The following WDFY2 variants were observed in gnomAD, a reference collection of about 807,000 sequenced individuals.
WDFY2 encodes WD repeat and FYVE domain containing 2, also known as WD repeat and FYVE domain-containing protein 2.
WDFY2 carries 36 observed loss-of-function variants against 56.4 expected under a neutral mutation model. The ratio of observed to expected loss-of-function variants is 0.64; its 90% CI spans 0.49 to 0.84. WDFY2 has a LOEUF of 0.84. Among genes scored for constraint, WDFY2 ranks in the 40% least tolerant of loss-of-function variants. The pLI, the probability that WDFY2 is intolerant of heterozygous loss-of-function variation, is 0.00. For missense variants in WDFY2, 444 were observed against 512.2 expected (o/e 0.87, Z 1.29); for synonymous variants, 176 against 183.7 (o/e 0.96, Z 0.34).
At chr13:51,733,063 T>G (rs1254296388) in intron 6 of WDFY2, among the ~76,000 whole-genome samples, 1 of 152,136 alleles carries the variant, frequency 6.6e-6, no homozygotes, top group Non-Finnish European at 1.5e-5. Context: ...TGAGACAGAG[T>G]CTTGCTCTGT....
At chr13:51,740,804 T>A (rs796182689) in intron 7 of WDFY2, among the ~76,000 whole-genome samples, 1 of 152,160 alleles carries the variant, frequency 6.6e-6, no homozygotes, top group African/African-American at 2.4e-5. Context: ...TTGGACTCTC[T>A]CAGAGAAGTG....
chr13:51,674,767 T>A (rs775338388), intron 2 of WDFY2, among the ~76,000 whole-genome samples: 13 of 152,192 alleles, frequency 8.5e-5, no homozygotes, highest in Non-Finnish European at 1.6e-4. Context: ...ATAAGATCTT[T>A]CTTTTGTTTG....
At chr13:51,661,808 A>C (rs969606231) in intron 2 of WDFY2, among the ~76,000 whole-genome samples, 3 of 152,216 alleles carry the variant, frequency 2.0e-5, no homozygotes, top group African/African-American at 7.2e-5. Context: ...TGTAATTCCG[A>C]ATGCTATATC....
intron 1 of WDFY2, among the ~76,000 whole-genome samples, chr13:51,649,488 A>G (rs997580251): frequency 6.6e-6 from 1 of 150,796 alleles, no homozygotes; most frequent in Non-Finnish European, 1.5e-5. Flanking sequence ...GGTTTGTTAC[A>G]TATGTATACA....
chr13:51,695,095 C>T, intron 3 of WDFY2, among the ~76,000 whole-genome samples: 1 of 152,096 alleles, frequency 6.6e-6, no homozygotes, highest in Non-Finnish European at 1.5e-5. Context: ...AAATTTTTTT[C>T]AAAGTTTTCA....
At chr13:51,755,946 C>G (rs1183112443) in intron 9 of WDFY2, among the ~76,000 whole-genome samples, 2 of 152,156 alleles carry the variant, frequency 1.3e-5, no homozygotes, top group Non-Finnish European at 2.9e-5. Context: ...TCAGCAGATT[C>G]AATCAGGTTT....
intron 1 of WDFY2, chr13:51,589,208 C>T (rs945618802): frequency 2.0e-5 from 3 of 152,146 alleles, no homozygotes; most frequent in African/African-American, 4.8e-5. Flanking sequence ...TGAAATGGAC[C>T]TGAGGATTTT....
intron 7 of WDFY2, among the ~76,000 whole-genome samples, chr13:51,746,592 C>T (rs957091600): frequency 6.6e-6 from 1 of 152,148 alleles, no homozygotes; most frequent in South Asian, 2.1e-4. Flanking sequence ...CTCACTGAAT[C>T]GATGCAAATA....
chr13:51,689,415 A>T (rs1385218617), intron 3 of WDFY2, among the ~76,000 whole-genome samples: 1 of 152,174 alleles, frequency 6.6e-6, no homozygotes, highest in Non-Finnish European at 1.5e-5. Context: ...AAGAATTTGT[A>T]AACCTGAATT....
intron 4 of WDFY2, among the ~76,000 whole-genome samples, chr13:51,713,213 C>T (rs148343566): frequency 4.6e-5 from 7 of 152,154 alleles, no homozygotes; most frequent in Non-Finnish European, 1.0e-4. Context: ...ATAATGGGTA[C>T]AAAAAACTAA....
chr13:51,755,544 T>A, intron 9 of WDFY2, 85 bp downstream of exon 9: 1 of 1,323,086 alleles, frequency 7.6e-7, no homozygotes, highest in South Asian at 1.2e-5. Flanking sequence ...CACCCCTGGG[T>A]GGGAGTTGTG....
chr13:51,715,902 G>A (rs1952335276), intron 4 of WDFY2, among the ~76,000 whole-genome samples: 2 of 152,214 alleles, frequency 1.3e-5, no homozygotes, highest in Non-Finnish European at 2.9e-5. Flanking sequence ...TGTGGAGCAT[G>A]ACAGTATTCA....
chr13:51,619,267 A>G (rs748052579), intron 1 of WDFY2, among the ~76,000 whole-genome samples: 9 of 152,180 alleles, frequency 5.9e-5, no homozygotes, highest in Non-Finnish European at 2.9e-5. Context: ...AGCTTGGGCA[A>G]CATGGTAAGA....
intron 7 of WDFY2, among the ~76,000 whole-genome samples, chr13:51,742,943 T>C (rs1953008129): frequency 1.3e-5 from 2 of 152,238 alleles, no homozygotes; most frequent in Non-Finnish European, 2.9e-5. Flanking sequence ...AGGCCACTTG[T>C]AAATAAATAT....
chr13:51,753,849 C>T (rs1465062753), intron 8 of WDFY2, among the ~76,000 whole-genome samples: 1 of 151,816 alleles, frequency 6.6e-6, no homozygotes, highest in Admixed American at 6.6e-5. Context: ...TGTTGGGAGG[C>T]CAAGGCAGGT....
chr13:51,670,879 C>T (rs910433059), intron 2 of WDFY2, among the ~76,000 whole-genome samples: 2 of 152,142 alleles, frequency 1.3e-5, no homozygotes, highest in Non-Finnish European at 2.9e-5. Flanking sequence ...CACTTGCCCA[C>T]CTTTCCTCGA....
Position 51,615,639 on chromosome 13 carries a change from G to A in WDFY2, c.137+30815G>A, listed in dbSNP as rs376856444. Among the ~76,000 whole-genome samples the A allele has an allele frequency of 2.6e-5, 4 of 152,196 alleles. No homozygotes were observed. The East Asian group carries it at 7.7e-4, about 29-fold the overall frequency. On this transcript the variant is annotated intron_variant, in intron 1 of 11. Coordinates refer to ENST00000298125, the MANE Select transcript of WDFY2 (RefSeq NM_052950.4). Reference sequence around the variant, plus strand: ...ATAAAAATGTGGAATAAGCTGAAATGTCCATCAGTAGGGACATGGTTAAAT... The same window carrying A: ...ATAAAAATGTGGAATAAGCTGAAATATCCATCAGTAGGGACATGGTTAAAT...
At chr13:51,646,917 C>T (rs1481868810) in intron 1 of WDFY2, among the ~76,000 whole-genome samples, 1 of 152,148 alleles carries the variant, frequency 6.6e-6, no homozygotes, top group Non-Finnish European at 1.5e-5. Flanking sequence ...TTCAACAAAA[C>T]TTGGATGGAA....
intron 9 of WDFY2, 148 bp from the exon 10 acceptor site, chr13:51,756,184 A>G (rs564902085): frequency 4.2e-6 from 5 of 1,191,042 alleles, no homozygotes; most frequent in East Asian, 4.8e-5. Context: ...AACACATCCA[A>G]TGTGTTCCCT....
Sources: allele counts gnomAD v4.1 joint callset (sites outside exome capture counted in the v4.1 genomes callset), GRCh38; gene constraint gnomAD v4.1.1; transcripts MANE v1.5; gene names NCBI Gene and HGNC (gene_info 2026-07-23, HGNC 2026-07-21).